GMDS: variants seen among roughly 807,000 people sequenced by gnomAD.
The protein encoded by GMDS is GDP-mannose 4,6 dehydratase.
Under a neutral mutation model 49.9 loss-of-function variants are expected in GMDS, and 20 were observed. That is an observed-to-expected ratio of 0.40 (90% confidence interval 0.28 to 0.58). The LOEUF is 0.58. Among genes scored for constraint, GMDS ranks in the 20% least tolerant of loss-of-function variants. The probability of loss-of-function intolerance (pLI) is 0.42; values close to 1 mark genes in which losing one functional copy is unlikely to be tolerated. For synonymous variants in GMDS, 177 were observed against 178.6 expected (o/e 0.99, Z 0.07); for missense variants, 362 against 481.4 (o/e 0.75, Z 2.32).
chr6:2,018,060 G>A (rs1262946230), intron 4 of GMDS, among the ~76,000 whole-genome samples: 2 of 152,100 alleles, frequency 1.3e-5, no homozygotes, highest in East Asian at 1.9e-4. Flanking sequence ...CACCCTACTT[G>A]TCATCCACAA....
chr6:2,115,623 A>G (rs980710935), intron 4 of GMDS, 148 bp downstream of exon 4: 5 of 590,466 alleles, frequency 8.5e-6, no homozygotes, highest in African/African-American at 5.5e-5. Flanking sequence ...GAGTACTTCA[A>G]TTAGGATTAA....
At chr6:1,641,411 G>A (rs983020470) in intron 9 of GMDS, among the ~76,000 whole-genome samples, 1 of 152,210 alleles carries the variant, frequency 6.6e-6, no homozygotes, top group African/African-American at 2.4e-5. Flanking sequence ...AGAATGGACA[G>A]GAAAAAAGCT....
chr6:1,981,851 A>C (rs1561944292), intron 4 of GMDS, among the ~76,000 whole-genome samples: 1 of 152,266 alleles, frequency 6.6e-6, no homozygotes, highest in African/African-American at 2.4e-5. Context: ...CATGCCCAGG[A>C]TGCAAGGTTG....
intron 2 of GMDS, among the ~76,000 whole-genome samples, chr6:2,117,904 C>G (rs1774934573): frequency 6.6e-6 from 1 of 152,300 alleles, no homozygotes; most frequent in South Asian, 2.1e-4. Flanking sequence ...ACAGACCATT[C>G]GAGGCCGTGT....
At chr6:2,241,202 C>G (rs1217666620) in intron 1 of GMDS, among the ~76,000 whole-genome samples, 1 of 152,146 alleles carries the variant, frequency 6.6e-6, no homozygotes, top group African/African-American at 2.4e-5. Context: ...CTCCGACATC[C>G]TGGCTGCTGC....
intron 4 of GMDS, among the ~76,000 whole-genome samples, chr6:2,048,819 T>C (rs1258835162): frequency 6.6e-6 from 1 of 152,238 alleles, no homozygotes; most frequent in Non-Finnish European, 1.5e-5. Flanking sequence ...TGTTATTCTA[T>C]AGAAATACAA....
At chr6:1,945,132 C>A (rs146041345) in intron 6 of GMDS, among the ~76,000 whole-genome samples, 348 of 152,144 alleles carry the variant, frequency 2.3e-3, no homozygotes, top group African/African-American at 8.2e-3. Context: ...AAAACACTGT[C>A]TTAGTTGTCG....
intron 6 of GMDS, among the ~76,000 whole-genome samples, chr6:1,939,137 A>T (rs1394599064): frequency 6.6e-6 from 1 of 151,442 alleles, no homozygotes; most frequent in African/African-American, 2.4e-5. Context: ...TTATTTACAC[A>T]TGTTTTTGTA....
intron 6 of GMDS, among the ~76,000 whole-genome samples, chr6:1,953,483 GT>G: frequency 6.6e-6 from 1 of 152,122 alleles, no homozygotes; most frequent in East Asian, 1.9e-4. Flanking sequence ...CATGCAAAAT[GT>G]TTTTTCTTAA....
intron 4 of GMDS, among the ~76,000 whole-genome samples, chr6:2,012,234 C>T (rs1277746827): frequency 2.0e-5 from 3 of 151,954 alleles, no homozygotes; most frequent in Admixed American, 6.6e-5. Flanking sequence ...ATCCAAACCG[C>T]ACTCACACCC....
At chr6:1,782,597 A>G (rs1199936063) in intron 7 of GMDS, among the ~76,000 whole-genome samples, 1 of 152,238 alleles carries the variant, frequency 6.6e-6, no homozygotes, top group Admixed American at 6.5e-5. Context: ...GAGACTTTGG[A>G]TAGACATGCC....
intron 1 of GMDS, among the ~76,000 whole-genome samples, chr6:2,209,554 TACATAC>T (rs1228178163): frequency 6.4e-5 from 8 of 124,606 alleles, no homozygotes; most frequent in African/African-American, 1.3e-4. Flanking sequence ...CTAATACACA[TACATAC>T]ACATACACAT....
intron 4 of GMDS, among the ~76,000 whole-genome samples, chr6:1,968,574 T>C (rs191025241): frequency 2.0e-5 from 3 of 152,250 alleles, no homozygotes; most frequent in Admixed American, 1.3e-4. Context: ...TCTCTCATAA[T>C]GGACTAGCTC....
chr6:2,192,235 C>T (rs1779057171), intron 1 of GMDS, among the ~76,000 whole-genome samples: 1 of 152,132 alleles, frequency 6.6e-6, no homozygotes, highest in Non-Finnish European at 1.5e-5. Flanking sequence ...AGGAGCTACC[C>T]TCTCTGCTAG....
At chr6:2,062,541 A>G (rs868118776) in intron 4 of GMDS, among the ~76,000 whole-genome samples, 66 of 152,284 alleles carry the variant, frequency 4.3e-4, no homozygotes, top group South Asian at 2.3e-3. Context: ...AGAAAAAAAA[A>G]TCCTCATGCC....
chr6:2,091,518 T>C (rs1485513393), intron 4 of GMDS, among the ~76,000 whole-genome samples: 1 of 152,106 alleles, frequency 6.6e-6, no homozygotes, highest in African/African-American at 2.4e-5. Context: ...ACAAAGAAAA[T>C]GACAGTCTTA....
At chr6:1,678,470 C>T (rs1004056986) in intron 9 of GMDS, among the ~76,000 whole-genome samples, 1 of 152,192 alleles carries the variant, frequency 6.6e-6, no homozygotes, top group Non-Finnish European at 1.5e-5. Context: ...CCAGGAAGAG[C>T]TGCTGATTTT....
At chr6:1,919,212 C>A (rs546431087) in intron 7 of GMDS, among the ~76,000 whole-genome samples, 2 of 152,192 alleles carry the variant, frequency 1.3e-5, no homozygotes, top group Admixed American at 6.5e-5. Flanking sequence ...GAGAGACCGA[C>A]ATGAGATAGC....
chr6:1,969,782 C>A (rs931185340), intron 4 of GMDS, among the ~76,000 whole-genome samples: 3 of 152,140 alleles, frequency 2.0e-5, no homozygotes, highest in African/African-American at 7.2e-5. Flanking sequence ...CCTCCCCTGG[C>A]GTGCTTCACC....
Sources: allele counts gnomAD v4.1 joint callset (sites outside exome capture counted in the v4.1 genomes callset), GRCh38; gene constraint gnomAD v4.1.1; transcripts MANE v1.5; gene names NCBI Gene and HGNC (gene_info 2026-07-23, HGNC 2026-07-21).